TLE4: variants seen among roughly 807,000 people sequenced by gnomAD.
The protein encoded by TLE4 is transducin-like enhancer protein 4.
In TLE4, 8 loss-of-function variants were observed where a neutral mutation model predicts 92.8. The observed-to-expected ratio is 0.09, with a 90% CI of 0.05 to 0.16. The LOEUF is 0.16. TLE4 is among the 10% of genes least tolerant of loss of function. The probability of loss-of-function intolerance (pLI) is 1.00; values close to 1 mark genes in which losing one functional copy is unlikely to be tolerated. For synonymous variants in TLE4, 371 were observed against 374.1 expected (o/e 0.99, Z 0.10); for missense variants, 675 against 997.6 (o/e 0.68, Z 4.36).
intron 8 of TLE4, chr9:79,704,521 C>T: frequency 2.2e-6 from 1 of 459,990 alleles, no homozygotes; most frequent in Non-Finnish European, 3.9e-6. Flanking sequence ...ATTTCCTCTC[C>T]TCCCTCTGTC....
intron 6 of TLE4, among the ~76,000 whole-genome samples, chr9:79,646,892 A>C (rs1487355720): frequency 6.6e-6 from 1 of 152,180 alleles, no homozygotes; most frequent in Non-Finnish European, 1.5e-5. Flanking sequence ...TATATGTATA[A>C]AACGGTGACT....
intron 4 of TLE4, among the ~76,000 whole-genome samples, chr9:79,588,858 G>A (rs1164107709): frequency 6.6e-6 from 1 of 152,088 alleles, no homozygotes; most frequent in African/African-American, 2.4e-5. Context: ...TTTTTGTGGG[G>A]GCAGAATCCA....
intron 15 of TLE4, 134 bp from the exon 16 acceptor site, chr9:79,719,912 C>T (rs1289953509): frequency 5.0e-6 from 6 of 1,197,406 alleles, no homozygotes; most frequent in Admixed American, 2.8e-5. Flanking sequence ...CATTAATCCA[C>T]TTTATCATTG....
At chr9:79,671,925 TAA>T (rs199524403) in intron 8 of TLE4, among the ~76,000 whole-genome samples, 43 of 129,550 alleles carry the variant, frequency 3.3e-4, no homozygotes, top group Middle Eastern at 4.3e-3. Flanking sequence ...GTTTCTCCGT[TAA>T]AAAAAAAAAA....
intron 4 of TLE4, among the ~76,000 whole-genome samples, chr9:79,585,678 C>CTTAA (rs896205878): frequency 6.7e-6 from 1 of 150,278 alleles, no homozygotes; most frequent in African/African-American, 2.5e-5. Context: ...TTTTTTCAGT[C>CTTAA]TTAGAAAGTC....
chr9:79,576,171 C>T lies in TLE4; in HGVS notation c.246C>T (p.His82=), dbSNP rs780660021. The part of the protein sequence containing the change: ...EMSYGLNIEM[H]KQAEIVKRLN... ...CCTATGGGTTGAATATAGAAATGCA[C>T]AAGCAGGTAAGTTATTTCTTTATAA... is the stretch of plus-strand genomic sequence containing the variant. The change falls in exon 4 of 20, where the codon CAC becomes CAT. Residue 82 remains histidine, a synonymous_variant. Coordinates refer to ENST00000376552, the MANE Select transcript of TLE4 (RefSeq NM_007005.6). 2.6e-6 allele frequency: 4 copies of T among 1,536,712 alleles called. No homozygotes were observed. Among genetic ancestry groups the T allele is most frequent in the Admixed American group, 3.7e-5 (2 of 54,360 alleles).
intron 8 of TLE4, among the ~76,000 whole-genome samples, chr9:79,666,204 GTTTTTTTTTTTTGTTTTT>G (rs2061377246): frequency 1.0e-5 from 1 of 99,464 alleles, no homozygotes; most frequent in African/African-American, 3.4e-5. Flanking sequence ...TGTGGGTGGG[GTTTTTTTTTTTTGTTTTT>G]TTTTTTTTTT....
At chr9:79,603,932 G>A (rs906768260) in intron 4 of TLE4, among the ~76,000 whole-genome samples, 3 of 152,146 alleles carry the variant, frequency 2.0e-5, no homozygotes, top group South Asian at 2.1e-4. Flanking sequence ...CTTAAAATTT[G>A]TTGGAAGTAT....
rs557311320 is a variant in TLE4 at position 79,618,928 on chromosome 9, A to G, written c.315+6210A>G. ...ATATTGAGAATATAAAAGGGAAATT[A>G]GGACCTAAAAATGGAAACCTTCCAT... On this transcript the variant is annotated intron_variant, in intron 5 of 19. Transcript: ENST00000376552. Among the ~76,000 whole-genome samples the G allele has an allele frequency of 3.9e-5, 6 of 152,330 alleles. No individual in the cohort carries two copies. The East Asian group carries it at 1.2e-3, about 29-fold the overall frequency.
chr9:79,662,091 C>T (rs1046942821), intron 8 of TLE4, among the ~76,000 whole-genome samples: 6 of 152,168 alleles, frequency 3.9e-5, no homozygotes, highest in Non-Finnish European at 5.9e-5. Context: ...CTTACACTTT[C>T]CCTCCCCTTT....
At chr9:79,675,965 G>C (rs1032175141) in intron 8 of TLE4, among the ~76,000 whole-genome samples, 2 of 152,072 alleles carry the variant, frequency 1.3e-5, no homozygotes, top group African/African-American at 4.8e-5. Flanking sequence ...TCAGGTTGGT[G>C]CTCCAAAAGT....
chr9:79,720,201 C>T lies in TLE4; in HGVS notation c.1746C>T (p.Ala582=). 2.5e-6 allele frequency: 4 copies of T among 1,614,182 alleles called. No individual in the cohort carries two copies. The highest frequency in any genetic ancestry group is 3.4e-6 in the Non-Finnish European group (4 of 1,180,038). The change falls in exon 16 of 20, where the codon GCC becomes GCT. Residue 582 remains alanine, a synonymous_variant. Transcript: ENST00000376552. ...CATCCTCGGCCCCCGCCTGCTATGC[C>T]CTGGCCATCAGCCCCGATTCCAAGG... ...ELTSSAPACY[A]LAISPDSKVC... is the part of the protein sequence containing the mutation.
At chr9:79,692,086 T>TGTTA (rs1194258219) in intron 8 of TLE4, among the ~76,000 whole-genome samples, 1 of 151,818 alleles carries the variant, frequency 6.6e-6, no homozygotes, top group African/African-American at 2.4e-5. Context: ...CCCTCCCCCA[T>TGTTA]GTTAGTTTTG....
At chr9:79,582,850 A>G (rs2040054307) in intron 4 of TLE4, among the ~76,000 whole-genome samples, 1 of 152,126 alleles carries the variant, frequency 6.6e-6, no homozygotes, top group Non-Finnish European at 1.5e-5. Flanking sequence ...CTAAGTTATT[A>G]CCAGTTTTGT....
chr9:79,673,867 G>A (rs750921459), intron 8 of TLE4, among the ~76,000 whole-genome samples: 20 of 152,052 alleles, frequency 1.3e-4, no homozygotes, highest in Admixed American at 1.1e-3. Flanking sequence ...TTTTTGCCCC[G>A]ACCCCTGGTC....
chr9:79,626,161 C>G (rs2052558159), intron 5 of TLE4, among the ~76,000 whole-genome samples: 1 of 152,162 alleles, frequency 6.6e-6, no homozygotes, highest in African/African-American at 2.4e-5. Context: ...CCCCACTCCC[C>G]TTACACAGCT....
intron 4 of TLE4, among the ~76,000 whole-genome samples, chr9:79,600,293 G>A (rs747898187): frequency 4.6e-5 from 7 of 152,134 alleles, no homozygotes; most frequent in Non-Finnish European, 8.8e-5. Flanking sequence ...AAGTGGATGT[G>A]AGCCTGATTA....
chr9:79,710,791 C>A (rs951466855), intron 14 of TLE4, among the ~76,000 whole-genome samples: 1 of 152,144 alleles, frequency 6.6e-6, no homozygotes, highest in Non-Finnish European at 1.5e-5. Context: ...TTTTTTATAG[C>A]CATTATCTGC....
intron 4 of TLE4, among the ~76,000 whole-genome samples, chr9:79,591,952 C>T (rs997334142): frequency 6.6e-6 from 1 of 152,170 alleles, no homozygotes; most frequent in Non-Finnish European, 1.5e-5. Context: ...TTTCATCTCT[C>T]CTGCCAAATT....
Sources: allele counts gnomAD v4.1 joint callset (sites outside exome capture counted in the v4.1 genomes callset), GRCh38; gene constraint gnomAD v4.1.1; transcripts MANE v1.5; gene names NCBI Gene and HGNC (gene_info 2026-07-23, HGNC 2026-07-21).